Variants in BRINP3 observed in about 807,000 individuals in gnomAD.
BRINP3 encodes BMP/retinoic acid-inducible neural-specific protein 3.
BRINP3 carries 19 observed loss-of-function variants against 71.0 expected under a neutral mutation model. The observed-to-expected ratio is 0.27, with a 90% confidence interval of 0.19 to 0.39. The LOEUF (loss-of-function observed/expected upper bound fraction) is 0.39. BRINP3 is among the 10% of genes least tolerant of loss of function. BRINP3 has a pLI of 1.00. For missense variants in BRINP3, 959 were observed against 940.8 expected (o/e 1.02, Z -0.25); for synonymous variants, 380 against 337.7 (o/e 1.13, Z -1.37).
chr1:190,134,153 T>C (rs1571797119), intron 7 of BRINP3, among the ~76,000 whole-genome samples: 1 of 152,056 alleles, frequency 6.6e-6, no homozygotes, highest in South Asian at 2.1e-4. Flanking sequence ...TGATACATAA[T>C]AATACATGAG....
intron 2 of BRINP3, among the ~76,000 whole-genome samples, chr1:190,334,796 G>C (rs1279557373): frequency 6.6e-6 from 1 of 151,718 alleles, no homozygotes; most frequent in African/African-American, 2.4e-5. Flanking sequence ...ATGCTGTAGT[G>C]GTTCTTGCAA....
At chr1:190,442,481 C>A (rs948627951) in intron 2 of BRINP3, among the ~76,000 whole-genome samples, 1 of 152,148 alleles carries the variant, frequency 6.6e-6, no homozygotes, top group Admixed American at 6.5e-5. Context: ...AAGCCCAGGC[C>A]ATTCTCTTTG....
chr1:190,292,049 A>G (rs1301739254), intron 2 of BRINP3, among the ~76,000 whole-genome samples: 3 of 152,262 alleles, frequency 2.0e-5, no homozygotes, highest in East Asian at 3.9e-4. Context: ...CCAGGTATAG[A>G]AAGAAAAATT....
chr1:190,183,213 C>T (rs1653185688), intron 6 of BRINP3, among the ~76,000 whole-genome samples: 1 of 151,884 alleles, frequency 6.6e-6, no homozygotes, highest in South Asian at 2.1e-4. Context: ...AACTGTATTA[C>T]CTTCTCATTG....
chr1:190,403,347 T>A (rs1672056973), intron 2 of BRINP3, among the ~76,000 whole-genome samples: 1 of 152,212 alleles, frequency 6.6e-6, no homozygotes, highest in South Asian at 2.1e-4. Flanking sequence ...CATTCCATTC[T>A]ACTGGGTGAA....
chr1:190,098,662 G>C lies in BRINP3; in HGVS notation c.1657C>G (p.Leu553Val), dbSNP rs1403055189. Reference protein sequence around the residue: ...KSSLVHMILGLSLQICLTKNS... With the variant: ...KSSLVHMILGVSLQICLTKNS... ...TTAGTTAAGCAAATCTGTAAAGAGA[G>C]ACCCAAAATCATATGGACCAGACTT... The change falls in exon 8 of 8, where the codon CTC becomes GTC. Residue 553 changes from leucine (L) to valine (V), a missense_variant. Leu to Val is a conservative substitution (Grantham distance 32, BLOSUM62 1). Transcript: ENST00000367462. 1 of 1,614,142 alleles carries C rather than the reference G, an allele frequency of 6.2e-7. No homozygotes were observed. The highest frequency in any genetic ancestry group is 8.5e-7 in the Non-Finnish European group (1 of 1,180,040).
rs1433310827 is a variant in BRINP3, at chr1:190,373,432, A to ATG, written c.236+81222_236+81223insCA. Among the ~76,000 whole-genome samples, 889 of 130,464 alleles carry ATG rather than the reference A, an allele frequency of 6.8e-3. 6 individuals carry two copies. Among genetic ancestry groups the ATG allele is most frequent in the East Asian group, 0.058 (255 of 4,362 alleles). 85.6% of individuals were successfully genotyped at this position (130,464 alleles called of 152,430 possible). A position where few individuals can be genotyped will look rare whatever the true frequency, so the allele number is the denominator to read the frequency against. On this transcript the variant is annotated intron_variant, in intron 2 of 7. Coordinates refer to ENST00000367462, the MANE Select transcript of BRINP3 (RefSeq NM_199051.3). ...TAGATAATTCCTTAATTATATATAT[A>ATG]TATGTGTGTGTGTGTGTGTGTGTGT...
intron 2 of BRINP3, among the ~76,000 whole-genome samples, chr1:190,434,654 A>T (rs967619576): frequency 3.3e-5 from 5 of 152,064 alleles, no homozygotes; most frequent in African/African-American, 1.2e-4. Context: ...TATAAATAAC[A>T]TCTTACTATT....
intron 6 of BRINP3, among the ~76,000 whole-genome samples, chr1:190,171,752 G>A (rs1163373270): frequency 6.6e-6 from 1 of 152,074 alleles, no homozygotes; most frequent in South Asian, 2.1e-4. Context: ...TAACTAGGAA[G>A]AATGGGAAAC....
chr1:190,398,640 A>G (rs1017031548), intron 2 of BRINP3, among the ~76,000 whole-genome samples: 3 of 152,074 alleles, frequency 2.0e-5, no homozygotes, highest in African/African-American at 7.2e-5. Context: ...CTCCTGAAAC[A>G]TAGTATAAAA....
chr1:190,387,510 T>G (rs117627249), intron 2 of BRINP3, among the ~76,000 whole-genome samples: 1 of 151,864 alleles, frequency 6.6e-6, no homozygotes, highest in Non-Finnish European at 1.5e-5. Flanking sequence ...AGGAAGGCAA[T>G]GAAAACTAGA....
chr1:190,448,464 T>G (rs926017682), intron 2 of BRINP3, among the ~76,000 whole-genome samples: 134 of 80,244 alleles, frequency 1.7e-3, no homozygotes, highest in Middle Eastern at 5.6e-3. Flanking sequence ...ACTTGGGGTT[T>G]GTGTGTGTGT....
At chr1:190,222,386 C>T (rs1167335066) in intron 6 of BRINP3, among the ~76,000 whole-genome samples, 1 of 151,220 alleles carries the variant, frequency 6.6e-6, no homozygotes, top group Admixed American at 6.6e-5. Flanking sequence ...CAAACCAAAA[C>T]TTGAGATACA....
intron 6 of BRINP3, among the ~76,000 whole-genome samples, chr1:190,168,842 T>C (rs1033135892): frequency 4.6e-5 from 7 of 152,318 alleles, no homozygotes; most frequent in South Asian, 2.1e-4. Flanking sequence ...GCTTTACCAT[T>C]GGCATGATTC....
At chr1:190,180,039 G>A (rs111894631) in intron 6 of BRINP3, among the ~76,000 whole-genome samples, 84 of 152,178 alleles carry the variant, frequency 5.5e-4, no homozygotes, top group African/African-American at 1.9e-3. Context: ...AATCTTTACT[G>A]CTGTGGTGTC....
At chr1:190,334,413 C>T (rs756392350) in intron 2 of BRINP3, among the ~76,000 whole-genome samples, 18 of 151,672 alleles carry the variant, frequency 1.2e-4, no homozygotes, top group African/African-American at 4.1e-4. Flanking sequence ...AAAATCAACA[C>T]GAGAAACTGA....
rs186246823 is a variant in BRINP3, at chr1:190,142,270, A to G, written c.1184+18398T>C. On this transcript the variant is annotated intron_variant, in intron 7 of 7. Transcript: ENST00000367462. ...ACAAACATCTCAATAAAAATGAACA[A>G]CATAATTGAAGAAACATTTTACATA... Among the ~76,000 whole-genome samples, 163 of 152,308 alleles carry G rather than the reference A, an allele frequency of 1.1e-3. 1 individual carries two copies. The highest frequency in any genetic ancestry group is 1.9e-3 in the Non-Finnish European group (129 of 68,022).
intron 2 of BRINP3, among the ~76,000 whole-genome samples, chr1:190,345,805 T>C (rs1301481204): frequency 6.6e-6 from 1 of 151,562 alleles, no homozygotes; most frequent in Admixed American, 6.6e-5. Context: ...AAAGACAATC[T>C]ATTAAACAAA....
intron 6 of BRINP3, among the ~76,000 whole-genome samples, chr1:190,171,156 C>G (rs1285879839): frequency 6.6e-6 from 1 of 152,040 alleles, no homozygotes; most frequent in African/African-American, 2.4e-5. Flanking sequence ...CTGGCCTAAG[C>G]GGTCAGTGTG....
Sources: gnomAD v4.1 joint callset for allele counts (sites outside exome capture counted in the v4.1 genomes callset) on GRCh38, gnomAD v4.1.1 for gene constraint, MANE v1.5 for transcripts, NCBI Gene and HGNC (gene_info 2026-07-23, HGNC 2026-07-21) for gene names.